GSE1: variants seen among roughly 807,000 people sequenced by gnomAD.
GSE1 encodes the protein Gse1 coiled-coil protein, also known as genetic suppressor element 1.
In GSE1, 32 loss-of-function variants were observed where a neutral mutation model predicts 112.6. The observed-to-expected ratio is 0.28, with a 90% confidence interval of 0.21 to 0.38. GSE1 has a LOEUF of 0.38. GSE1 is among the 10% of genes least tolerant of loss of function. The pLI is 1.00. For missense variants in GSE1, 2,348 were observed against 1,699.2 expected (o/e 1.38, Z -6.71); for synonymous variants, 1,115 against 735.6 (o/e 1.52, Z -8.35).
chr16:85,591,657 A>C (rs892960759), intron 1 of GSE1, among the ~76,000 whole-genome samples: 2 of 152,246 alleles, frequency 1.3e-5, no homozygotes, highest in African/African-American at 4.8e-5. Context: ...GGCTGCAGGC[A>C]GACCAGCCAC....
intron 2 of GSE1, among the ~76,000 whole-genome samples, chr16:85,510,382 A>G (rs2051696146): frequency 7.2e-6 from 1 of 139,386 alleles, no homozygotes; most frequent in South Asian, 2.4e-4. Context: ...GCTTCCCCGC[A>G]GCCCAGGACC....
intron 1 of GSE1, among the ~76,000 whole-genome samples, chr16:85,317,781 C>G (rs1034884574): frequency 6.6e-6 from 1 of 152,206 alleles, no homozygotes. Context: ...GTATCCAGCA[C>G]TCCCCTCCTA....
chr16:85,267,489 A>G (rs967499062), intron 1 of GSE1, among the ~76,000 whole-genome samples: 2 of 152,132 alleles, frequency 1.3e-5, no homozygotes, highest in South Asian at 2.1e-4. Flanking sequence ...GGAGGTGCCT[A>G]TGTGCGCACG....
intron 2 of GSE1, among the ~76,000 whole-genome samples, chr16:85,489,534 A>T (rs769096905): frequency 3.3e-5 from 5 of 151,920 alleles, no homozygotes; most frequent in Non-Finnish European, 7.4e-5. Flanking sequence ...ACACACAGCC[A>T]GTGCCCACCC....
chr16:85,291,415 C>G (rs980211526), intron 1 of GSE1, among the ~76,000 whole-genome samples: 1 of 152,226 alleles, frequency 6.6e-6, no homozygotes, highest in Non-Finnish European at 1.5e-5. Flanking sequence ...TTTTCTGGAT[C>G]CTTCTCTTCC....
intron 2 of GSE1, among the ~76,000 whole-genome samples, chr16:85,435,343 A>C (rs11149746): frequency 0.17 from 24,844 of 146,098 alleles, 3,654 homozygotes; most frequent in African/African-American, 0.41. Flanking sequence ...TTCCTCTTAG[A>C]CTGTGCCCTC....
chr16:85,279,985 C>G (rs1027317170), intron 1 of GSE1, among the ~76,000 whole-genome samples: 1 of 152,228 alleles, frequency 6.6e-6, no homozygotes, highest in African/African-American at 2.4e-5. Flanking sequence ...TCCCCACACA[C>G]AGAGCTGAGG....
intron 2 of GSE1, among the ~76,000 whole-genome samples, chr16:85,525,651 G>A (rs112291539): frequency 0.02 from 3,095 of 152,310 alleles, 115 homozygotes; most frequent in African/African-American, 0.07. Context: ...GCCTTTAGGG[G>A]GCTCCATTTG....
chr16:85,606,865 T>C (rs781436486), upstream of GSE1, among the ~76,000 whole-genome samples: 1 of 152,224 alleles, frequency 6.6e-6, no homozygotes, highest in Non-Finnish European at 1.5e-5. Context: ...CAGGATTCTC[T>C]GCCCCCCATC....
At chr16:85,648,776 T>A (rs764419866) in intron 3 of GSE1, 25 bp downstream of exon 3, 3 of 1,403,578 alleles carry the variant, frequency 2.1e-6, no homozygotes. Flanking sequence ...GCAGGGAGCC[T>A]AGCGTCCTCT....
chr16:85,260,968 G>A (rs1046354994), intron 1 of GSE1, among the ~76,000 whole-genome samples: 7 of 152,220 alleles, frequency 4.6e-5, no homozygotes, highest in Non-Finnish European at 1.0e-4. Flanking sequence ...GTTTGGAAAG[G>A]CCCGGCCTGG....
At chr16:85,588,992 C>T (rs1012595961) in intron 1 of GSE1, among the ~76,000 whole-genome samples, 12 of 152,180 alleles carry the variant, frequency 7.9e-5, no homozygotes, top group African/African-American at 2.9e-4. Flanking sequence ...CACACATATA[C>T]TCACACATCT....
intron 2 of GSE1, among the ~76,000 whole-genome samples, chr16:85,642,690 C>A (rs544648540): frequency 6.6e-6 from 1 of 152,254 alleles, no homozygotes; most frequent in Non-Finnish European, 1.5e-5. Context: ...GAAGCACGTC[C>A]GGTAGTTACC....
chr16:85,307,297 A>G (rs867241943), intron 1 of GSE1, among the ~76,000 whole-genome samples: 8 of 151,944 alleles, frequency 5.3e-5, no homozygotes, highest in South Asian at 4.2e-4. Flanking sequence ...TTTCTTTTCT[A>G]TGTTCTCTCT....
At chr16:85,242,575 C>A (rs1905250387) in intron 1 of GSE1, among the ~76,000 whole-genome samples, 1 of 152,242 alleles carries the variant, frequency 6.6e-6, no homozygotes, top group South Asian at 2.1e-4. Flanking sequence ...CACTGAGGCC[C>A]ATCCAGGACA....
At chr16:85,436,977 C>T (rs1326661098) in intron 2 of GSE1, among the ~76,000 whole-genome samples, 2 of 152,164 alleles carry the variant, frequency 1.3e-5, no homozygotes, top group Admixed American at 1.3e-4. Flanking sequence ...AGGTTACCGT[C>T]GAGGTCGACG....
chr16:85,390,135 A>G (rs1171139167), intron 2 of GSE1, among the ~76,000 whole-genome samples: 1 of 152,228 alleles, frequency 6.6e-6, no homozygotes, highest in Non-Finnish European at 1.5e-5. Context: ...TGGATACATA[A>G]TAGTTGTACA....
At chr16:85,237,866 A>T (rs1904825909) in intron 1 of GSE1, among the ~76,000 whole-genome samples, 2 of 152,022 alleles carry the variant, frequency 1.3e-5, no homozygotes, top group Non-Finnish European at 1.5e-5. Context: ...AAAAAAAGAA[A>T]GTGAGTGAAT....
chr16:85,384,040 A>T (rs750412396), intron 2 of GSE1, among the ~76,000 whole-genome samples: 14 of 152,140 alleles, frequency 9.2e-5, no homozygotes, highest in Non-Finnish European at 1.9e-4. Flanking sequence ...GATCACATCC[A>T]CATGGGCAGA....
Sources: gnomAD v4.1 joint callset for allele counts (sites outside exome capture counted in the v4.1 genomes callset) on GRCh38, gnomAD v4.1.1 for gene constraint, MANE v1.5 for transcripts, NCBI Gene and HGNC (gene_info 2026-07-23, HGNC 2026-07-21) for gene names.